Variants in COMMD10 observed in about 807,000 individuals in gnomAD.
COMMD10 encodes COMM domain-containing protein 10.
A neutral mutation model predicts 28.9 loss-of-function variants in COMMD10; 33 were observed. The observed-to-expected ratio is 1.14, with a 90% CI of 0.87 to 1.53. COMMD10 has a LOEUF of 1.53. Ranked by LOEUF, COMMD10 falls within the 40% of genes most tolerant of loss-of-function variation. The probability of loss-of-function intolerance (pLI) is 0.00; values close to 1 mark genes in which losing one functional copy is unlikely to be tolerated. For missense variants in COMMD10, 310 were observed against 233.4 expected (o/e 1.33, Z -2.14); for synonymous variants, 110 against 81.7 (o/e 1.35, Z -1.87).
Position 116,291,685 on chromosome 5 carries a change from T to C in COMMD10, c.570+109T>C, listed in dbSNP as rs541536327. On this transcript the variant is annotated intron_variant, in intron 6 of 6. Coordinates refer to ENST00000274458, the MANE Select transcript of COMMD10 (RefSeq NM_016144.4). ...TGTCATATTATGGAACTAAGTTCTT[T>C]AAACTTCCCTTATAAAAGACCTTAT... 173 of 601,424 alleles carry C rather than the reference T, an allele frequency of 2.9e-4. 1 individual carries two copies. In the South Asian group the frequency reaches 3.9e-3, roughly 14 times the overall value. 37.3% of individuals were successfully genotyped at this position (601,424 alleles called of 1,614,324 possible). A position where few individuals can be genotyped will look rare whatever the true frequency, so the allele number is the denominator to read the frequency against.
At chr5:116,169,839 C>G (rs1021573953) in intron 5 of COMMD10, among the ~76,000 whole-genome samples, 2 of 152,094 alleles carry the variant, frequency 1.3e-5, no homozygotes, top group Admixed American at 6.6e-5. Context: ...GGACGTATCT[C>G]AAAATAATAA....
intron 5 of COMMD10, among the ~76,000 whole-genome samples, chr5:116,281,154 T>C (rs1289644112): frequency 2.0e-5 from 3 of 151,824 alleles, no homozygotes. Context: ...TCTGTATTAT[T>C]TAGAGGATAT....
intron 5 of COMMD10, among the ~76,000 whole-genome samples, chr5:116,218,873 A>C (rs760441417): frequency 1.3e-5 from 2 of 152,086 alleles, no homozygotes; most frequent in Non-Finnish European, 2.9e-5. Context: ...ATATTTTTAG[A>C]CAGTGTTATA....
chr5:116,163,681 T>A (rs1752998253), intron 5 of COMMD10, among the ~76,000 whole-genome samples: 1 of 152,200 alleles, frequency 6.6e-6, no homozygotes, highest in Non-Finnish European at 1.5e-5. Context: ...TATATAGGGT[T>A]AATTTTATGG....
At chr5:116,281,561 A>AGT (rs1486697407) in intron 5 of COMMD10, among the ~76,000 whole-genome samples, 2 of 151,678 alleles carry the variant, frequency 1.3e-5, no homozygotes, top group Non-Finnish European at 2.9e-5. Context: ...AGACAATATA[A>AGT]GTAATGCATT....
In COMMD10 at chr5:116,117,027, G is replaced by A. The variant is rs201616587; in HGVS notation, c.400-17041G>A. On this transcript the variant is annotated intron_variant, in intron 4 of 6. Transcript: ENST00000274458. ...AGTTTTGTCTGCTCTTGGATTTAAC[G>A]TAATGGACTCATATAATATGTATTT... Among the ~76,000 whole-genome samples, 31 of 152,048 alleles carry A rather than the reference G, an allele frequency of 2.0e-4. 1 individual carries two copies. The East Asian group carries it at 6.0e-3, about 29-fold the overall frequency.
chr5:116,212,522 G>GTGTGTGTGTGTGTA lies in COMMD10; in HGVS notation c.510+78345_510+78346insGTGTGTGTGTGTAT, dbSNP rs71223098. On this transcript the variant is annotated intron_variant, in intron 5 of 6. Transcript: ENST00000274458. ...TGTGTGTGTGTGTGTGTGTGTGTGT[G>GTGTGTGTGTGTGTA]TAGAATGTGAGGGGGGTTGGATAGG... Among the ~76,000 whole-genome samples, 79 of 132,058 alleles carry GTGTGTGTGTGTGTA rather than the reference G, an allele frequency of 6.0e-4. 2 individuals carry two copies. Among genetic ancestry groups the GTGTGTGTGTGTGTA allele is most frequent in the South Asian group, 2.0e-3 (7 of 3,502 alleles). The allele number at this position is 132,058 out of a possible 152,430, so 86.6% of individuals were successfully genotyped here. A position where few individuals can be genotyped will look rare whatever the true frequency, so the allele number is the denominator to read the frequency against.
In COMMD10 at chr5:116,293,096, G is replaced by T; in HGVS notation, c.*607G>T. ...AGTTTAATGATTTAATAATAGTCCAGGTTTTTGTGTGTTTTTCTTTATACT... is the reference window on the plus strand; with the variant it reads ...AGTTTAATGATTTAATAATAGTCCATGTTTTTGTGTGTTTTTCTTTATACT... On this transcript the variant is annotated 3_prime_UTR_variant, in exon 7 of 7. Transcript: ENST00000274458. 2 of 396,638 alleles carry T rather than the reference G, an allele frequency of 5.0e-6. No homozygotes were observed. The highest frequency in any genetic ancestry group is 8.9e-6 in the Non-Finnish European group (2 of 224,810). 24.6% of individuals were successfully genotyped at this position (396,638 alleles called of 1,614,324 possible).
intron 5 of COMMD10, among the ~76,000 whole-genome samples, chr5:116,181,511 CAT>C (rs886905805): frequency 6.0e-5 from 9 of 150,454 alleles, no homozygotes; most frequent in East Asian, 2.0e-4. Context: ...AGTTTTGAGT[CAT>C]AGATTTTTTT....
At chr5:116,260,427 G>C (rs1249341622) in intron 5 of COMMD10, among the ~76,000 whole-genome samples, 1 of 151,792 alleles carries the variant, frequency 6.6e-6, no homozygotes, top group Non-Finnish European at 1.5e-5. Flanking sequence ...TTTCATGGTA[G>C]CAAATGGATT....
At chr5:116,290,186 C>T (rs537251457) in intron 5 of COMMD10, among the ~76,000 whole-genome samples, 2 of 151,894 alleles carry the variant, frequency 1.3e-5, no homozygotes, top group South Asian at 2.1e-4. Context: ...CTAGGCTTAT[C>T]ATCCTTCCTT....
intron 5 of COMMD10, among the ~76,000 whole-genome samples, chr5:116,220,976 C>T (rs1017921318): frequency 2.6e-5 from 4 of 152,072 alleles, no homozygotes; most frequent in African/African-American, 9.7e-5. Context: ...TGTTTGGTGC[C>T]TATTGTCCTA....
At chr5:116,284,577 A>G (rs983945821) in intron 5 of COMMD10, among the ~76,000 whole-genome samples, 2 of 151,878 alleles carry the variant, frequency 1.3e-5, no homozygotes, top group East Asian at 1.9e-4. Flanking sequence ...AAATTCCATT[A>G]TCTAATGACA....
At position 116,166,129 on chromosome 5, in the gene COMMD10, C is replaced by G. The variant is rs150047142; in HGVS notation, c.510+31951C>G. ...ATTTCTATAGTTTTAGTCCTTGGCA[C>G]ATGGACTTGAGTCCATTTCTCTGTC... On this transcript the variant is annotated intron_variant, in intron 5 of 6. Transcript: ENST00000274458. Among the ~76,000 whole-genome samples, 227 of 141,864 alleles carry G rather than the reference C, an allele frequency of 1.6e-3. 3 individuals are homozygous for G. The highest frequency in any genetic ancestry group is 6.1e-3 in the African/African-American group (227 of 37,002). 93.1% of individuals were successfully genotyped at this position (141,864 alleles called of 152,430 possible).
In COMMD10 at chr5:116,221,158, G is replaced by A. The variant is rs560878560; in HGVS notation, c.511-70359G>A. 6.7e-5 allele frequency among the ~76,000 whole-genome samples: 10 copies of A among 149,748 alleles called. No individual in the cohort carries two copies. In the South Asian group the frequency reaches 2.1e-3, roughly 32 times the overall value. On this transcript the variant is annotated intron_variant, in intron 5 of 6. Coordinates refer to ENST00000274458, the MANE Select transcript of COMMD10 (RefSeq NM_016144.4). ...ACACTTTCAGGTCCTGCATACCAGT[G>A]AAACTACAGGCACCAGCTGGTCTGA... is the stretch of plus-strand genomic sequence containing the variant.
chr5:116,218,369 C>A, intron 5 of COMMD10: 1 of 577,388 alleles, frequency 1.7e-6, no homozygotes, highest in Non-Finnish European at 3.2e-6. Flanking sequence ...TTGGTGAGTC[C>A]AGGGGTCGTT....
intron 4 of COMMD10, among the ~76,000 whole-genome samples, chr5:116,133,481 C>G (rs143899082): frequency 6.6e-6 from 1 of 152,142 alleles, no homozygotes; most frequent in African/African-American, 2.4e-5. Flanking sequence ...TAGTCTGTTG[C>G]GTAACACTTG....
At chr5:116,090,275 A>C (rs1180760233) in intron 2 of COMMD10, among the ~76,000 whole-genome samples, 1 of 152,084 alleles carries the variant, frequency 6.6e-6, no homozygotes, top group Non-Finnish European at 1.5e-5. Flanking sequence ...GTTTGTTACA[A>C]TGTGTGGAGG....
chr5:116,208,087 A>G (rs1748862149), intron 5 of COMMD10, among the ~76,000 whole-genome samples: 1 of 152,032 alleles, frequency 6.6e-6, no homozygotes, highest in African/African-American at 2.4e-5. Context: ...TCACTTCATT[A>G]TTTGTTTGAG....
Sources: gnomAD v4.1 joint callset for allele counts (sites outside exome capture counted in the v4.1 genomes callset) on GRCh38, gnomAD v4.1.1 for gene constraint, MANE v1.5 for transcripts, NCBI Gene and HGNC (gene_info 2026-07-23, HGNC 2026-07-21) for gene names.